Variants in PLCB1 observed in about 807,000 individuals in gnomAD.
PLCB1 encodes phospholipase C beta 1, also known as 1-phosphatidylinositol 4,5-bisphosphate phosphodiesterase beta-1.
Under a neutral mutation model 161.8 loss-of-function variants are expected in PLCB1, and 46 were observed. The ratio of observed to expected loss-of-function variants is 0.28; its 90% CI spans 0.22 to 0.36. PLCB1 has a LOEUF of 0.36. Ranked by LOEUF, PLCB1 falls within the 10% of genes least tolerant of loss-of-function variation. PLCB1 has a pLI of 1.00. For synonymous variants in PLCB1, 517 were observed against 503.7 expected, an observed-to-expected ratio of 1.03 and a Z score of -0.35; for missense variants, 1,016 against 1,472.5, an observed-to-expected ratio of 0.69 and a Z score of 5.07.
At chr20:8,810,797 C>A (rs1259270402) in intron 31 of PLCB1, among the ~76,000 whole-genome samples, 1 of 152,084 alleles carries the variant, frequency 6.6e-6, no homozygotes, top group Non-Finnish European at 1.5e-5. Flanking sequence ...AACCCTATCT[C>A]TACAAAAAAT....
At position 8,546,313 on chromosome 20, in the gene PLCB1, CAA is replaced by C. The variant is rs369485988; in HGVS notation, c.247-81957_247-81956del. Reference sequence around the variant, plus strand: ...GGATGACAAGAACAAGACTCTATCTCAAAAAAAAAAAAAAAAAAAAAAAAAGA... The same window carrying C: ...GGATGACAAGAACAAGACTCTATCTCAAAAAAAAAAAAAAAAAAAAAAAGA... On this transcript the variant is annotated intron_variant, in intron 3 of 31. Transcript: ENST00000338037. 7.1e-3 allele frequency among the ~76,000 whole-genome samples: 727 copies of C among 102,774 alleles called. 2 individuals carry two copies. The highest frequency in any genetic ancestry group is 0.027 in the African/African-American group (701 of 26,352). 67.4% of individuals were successfully genotyped at this position (102,774 alleles called of 152,430 possible). A position where few individuals can be genotyped will look rare whatever the true frequency, so the allele number is the denominator to read the frequency against.
intron 31 of PLCB1, among the ~76,000 whole-genome samples, chr20:8,791,881 T>G (rs1983775950): frequency 6.6e-6 from 1 of 152,180 alleles, no homozygotes; most frequent in African/African-American, 2.4e-5. Context: ...ACTAATAACT[T>G]TTGGCTGATT....
At chr20:8,386,834 C>T (rs1987438320) in intron 3 of PLCB1, among the ~76,000 whole-genome samples, 1 of 152,234 alleles carries the variant, frequency 6.6e-6, no homozygotes, top group Non-Finnish European at 1.5e-5. Context: ...GCTTCTCCAT[C>T]AGCACTTCCT....
chr20:8,435,217 T>C (rs1980244211), intron 3 of PLCB1, among the ~76,000 whole-genome samples: 1 of 152,194 alleles, frequency 6.6e-6, no homozygotes, highest in African/African-American at 2.4e-5. Flanking sequence ...TTATCCTTAC[T>C]GTACAAGACT....
chr20:8,221,721 C>T (rs1201929270), intron 2 of PLCB1, among the ~76,000 whole-genome samples: 2 of 152,074 alleles, frequency 1.3e-5, no homozygotes, highest in African/African-American at 2.4e-5. Flanking sequence ...AGTGCATTAA[C>T]AAAATATGTA....
At chr20:8,831,169 C>CA (rs1985962842) in intron 31 of PLCB1, 1 of 152,462 alleles carries the variant, frequency 6.6e-6, no homozygotes, top group East Asian at 1.9e-4. Context: ...TCAAGTCACG[C>CA]AAAAAGAGTG....
chr20:8,874,248 ACACACACG>A (rs200001993), intron 31 of PLCB1, among the ~76,000 whole-genome samples: 119 of 137,040 alleles, frequency 8.7e-4, no homozygotes, highest in East Asian at 1.6e-3. Context: ...ACACACACAC[ACACACACG>A]CACAACAGAT....
chr20:8,487,746 T>C (rs1982788835), intron 3 of PLCB1, among the ~76,000 whole-genome samples: 1 of 152,164 alleles, frequency 6.6e-6, no homozygotes, highest in South Asian at 2.1e-4. Flanking sequence ...GGTGGTGCAA[T>C]GAAATTATTC....
At chr20:8,412,723 T>A (rs889258782) in intron 3 of PLCB1, among the ~76,000 whole-genome samples, 1 of 152,200 alleles carries the variant, frequency 6.6e-6, no homozygotes, top group African/African-American at 2.4e-5. Context: ...ATTATAAAGA[T>A]ATAGCTGTTG....
intron 27 of PLCB1, among the ~76,000 whole-genome samples, chr20:8,783,627 T>C (rs896105159): frequency 6.6e-6 from 1 of 152,210 alleles, no homozygotes; most frequent in Admixed American, 6.5e-5. Flanking sequence ...CAGAAGGGTA[T>C]ATACTAGAAA....
chr20:8,510,377 C>A (rs886337809), intron 3 of PLCB1, among the ~76,000 whole-genome samples: 1 of 127,464 alleles, frequency 7.8e-6, no homozygotes, highest in Non-Finnish European at 1.6e-5. Flanking sequence ...TTTTTCTTTT[C>A]TTTTTCTTTT....
intron 3 of PLCB1, among the ~76,000 whole-genome samples, chr20:8,400,733 A>G (rs1458208161): frequency 6.6e-6 from 1 of 152,168 alleles, no homozygotes; most frequent in East Asian, 1.9e-4. Context: ...GTTGTAGAGT[A>G]TTATTTCATT....
chr20:8,523,536 C>A (rs1447814417), intron 3 of PLCB1, among the ~76,000 whole-genome samples: 1 of 102,384 alleles, frequency 9.8e-6, no homozygotes, highest in Non-Finnish European at 2.0e-5. Context: ...AGAGACAACA[C>A]CTCCAAAGAA....
intron 2 of PLCB1, among the ~76,000 whole-genome samples, chr20:8,164,384 T>A (rs2123056520): frequency 6.6e-6 from 1 of 152,350 alleles, no homozygotes; most frequent in Admixed American, 6.5e-5. Flanking sequence ...AGAGCTGTGC[T>A]GTCTCATACA....
intron 2 of PLCB1, among the ~76,000 whole-genome samples, chr20:8,170,590 A>G (rs2051723468): frequency 6.6e-6 from 1 of 152,162 alleles, no homozygotes; most frequent in Non-Finnish European, 1.5e-5. Flanking sequence ...GCTGAACCTT[A>G]TTTGGTTTCT....
intron 2 of PLCB1, among the ~76,000 whole-genome samples, chr20:8,210,726 C>G (rs534573957): frequency 3.3e-5 from 5 of 152,078 alleles, no homozygotes; most frequent in Non-Finnish European, 7.4e-5. Context: ...CAATTCAATT[C>G]ATGGGAAATG....
chr20:8,150,272 A>G (rs2051496384), intron 1 of PLCB1, 22 bp from the exon 2 acceptor site: 1 of 1,096,494 alleles, frequency 9.1e-7, no homozygotes, highest in East Asian at 2.4e-5. Context: ...GTTGATATTC[A>G]TGTTTCTTCT....
At chr20:8,465,634 C>T (rs1259379765) in intron 3 of PLCB1, among the ~76,000 whole-genome samples, 1 of 152,110 alleles carries the variant, frequency 6.6e-6, no homozygotes, top group East Asian at 1.9e-4. Context: ...GTTAATGTCT[C>T]TTCAGAGTCT....
intron 2 of PLCB1, among the ~76,000 whole-genome samples, chr20:8,220,212 T>C (rs955721707): frequency 2.0e-5 from 3 of 152,120 alleles, no homozygotes; most frequent in African/African-American, 7.2e-5. Context: ...AGGTTATGTA[T>C]AACATTTTTA....
Sources: allele counts gnomAD v4.1 joint callset (sites outside exome capture counted in the v4.1 genomes callset), GRCh38; gene constraint gnomAD v4.1.1; transcripts MANE v1.5; gene names NCBI Gene and HGNC (gene_info 2026-07-23, HGNC 2026-07-21).